The following ZNF475 variants were observed in gnomAD, a reference collection of about 807,000 sequenced individuals.
The protein encoded by ZNF475 is zinc finger protein 475.
the ZNF475 span, among the ~76,000 whole-genome samples, chr5:122,161,438 G>C: frequency 2.0e-5 from 3 of 152,200 alleles, no homozygotes; most frequent in East Asian, 5.8e-4. Flanking sequence ...GATAAGGAGA[G>C]AGCGGGGTCA....
the ZNF475 span, among the ~76,000 whole-genome samples, chr5:122,174,284 T>C: frequency 3.3e-5 from 5 of 152,204 alleles, no homozygotes; most frequent in Non-Finnish European, 5.9e-5. Flanking sequence ...AGGAAAACCT[T>C]GGCAGCTGGG....
the ZNF475 span, among the ~76,000 whole-genome samples, chr5:122,181,867 G>T: frequency 6.6e-6 from 1 of 152,032 alleles, no homozygotes; most frequent in African/African-American, 2.4e-5. Context: ...ATCTGTCTTT[G>T]TTATTTTCTT....
chr5:122,181,465 A>C, the ZNF475 span, among the ~76,000 whole-genome samples: 2 of 152,312 alleles, frequency 1.3e-5, no homozygotes, highest in South Asian at 2.1e-4. Context: ...AGACAGTGAC[A>C]TTTGCTTTAT....
At chr5:122,168,855 C>T in the ZNF475 span, among the ~76,000 whole-genome samples, 1 of 151,052 alleles carries the variant, frequency 6.6e-6, no homozygotes, top group South Asian at 2.1e-4. Flanking sequence ...AGCATAACAC[C>T]TTAACTTGAC....
chr5:122,169,410 T>C, the ZNF475 span, among the ~76,000 whole-genome samples: 2 of 152,104 alleles, frequency 1.3e-5, no homozygotes, highest in East Asian at 1.9e-4. Context: ...GAGTTAAGGA[T>C]TGGGATTCCC....
At chr5:122,182,613 CG>C in the ZNF475 span, 1 of 1,535,320 alleles carries the variant, frequency 6.5e-7, no homozygotes, top group Non-Finnish European at 8.7e-7. Flanking sequence ...TGTTCACCAA[CG>C]ATCTTGTAAA....
chr5:122,180,665 T>C, the ZNF475 span, among the ~76,000 whole-genome samples: 1 of 152,216 alleles, frequency 6.6e-6, no homozygotes, highest in Non-Finnish European at 1.5e-5. Context: ...CATTCTCCTA[T>C]GTAACCGTAG....
chr5:122,165,442 C>T, the ZNF475 span, among the ~76,000 whole-genome samples: 51 of 152,272 alleles, frequency 3.3e-4, no homozygotes, highest in Middle Eastern at 3.4e-3. Context: ...TAAGGATTGT[C>T]ATGTCTATCT....
chr5:122,171,702 T>C, the ZNF475 span, among the ~76,000 whole-genome samples: 1 of 152,106 alleles, frequency 6.6e-6, no homozygotes, highest in African/African-American at 2.4e-5. Context: ...CTCCTTCCCC[T>C]GCCAATTTTG....
chr5:122,177,516 G>T, the ZNF475 span, among the ~76,000 whole-genome samples: 1 of 152,068 alleles, frequency 6.6e-6, no homozygotes, highest in African/African-American at 2.4e-5. Context: ...AATTTATATA[G>T]TACCAATATG....
chr5:122,170,477 A>G, the ZNF475 span, among the ~76,000 whole-genome samples: 1 of 152,232 alleles, frequency 6.6e-6, no homozygotes, highest in Non-Finnish European at 1.5e-5. Context: ...TTACCAGTTT[A>G]CTACAAATGA....
At chr5:122,160,224 G>C in the ZNF475 span, 1 of 1,289,658 alleles carries the variant, frequency 7.8e-7, no homozygotes, top group African/African-American at 1.5e-5. Context: ...AGCATTCTAT[G>C]ATCCCATGGC....
At chr5:122,166,383 A>G in the ZNF475 span, among the ~76,000 whole-genome samples, 1 of 152,036 alleles carries the variant, frequency 6.6e-6, no homozygotes, top group Non-Finnish European at 1.5e-5. Flanking sequence ...TCTAGGGTAC[A>G]TTTGCACAAC....
the ZNF475 span, chr5:122,160,283 C>G: frequency 1.6e-6 from 2 of 1,289,682 alleles, no homozygotes; most frequent in Non-Finnish European, 1.0e-6. Flanking sequence ...CAGTTCTCTT[C>G]TACATTGTTG....
chr5:122,182,591 A>G, the ZNF475 span: 1 of 1,535,678 alleles, frequency 6.5e-7, no homozygotes, highest in East Asian at 2.4e-5. Context: ...CCTTCCTGCC[A>G]GACAGACTGA....
the ZNF475 span, among the ~76,000 whole-genome samples, chr5:122,180,257 G>A: frequency 1.7e-4 from 26 of 152,288 alleles, no homozygotes; most frequent in Admixed American, 3.9e-4. Context: ...ACTATGATGC[G>A]CTGTGGAGCA....
the ZNF475 span, chr5:122,182,419 T>C: frequency 7.9e-7 from 1 of 1,262,162 alleles, no homozygotes; most frequent in Non-Finnish European, 1.1e-6. Flanking sequence ...CCATTTTACC[T>C]TTTTCTTTCC....
chr5:122,178,145 T>C, the ZNF475 span, among the ~76,000 whole-genome samples: 19 of 152,308 alleles, frequency 1.2e-4, no homozygotes, highest in African/African-American at 4.6e-4. Context: ...AGTAAAGCAT[T>C]GGTGGGCATT....
chr5:122,161,443 G>GGGTC, the ZNF475 span, among the ~76,000 whole-genome samples: 1 of 151,950 alleles, frequency 6.6e-6, no homozygotes, highest in African/African-American at 2.4e-5. Context: ...GGAGAGAGCG[G>GGGTC]GGTCAACTCT....
Sources: gnomAD v4.1 joint callset for allele counts (sites outside exome capture counted in the v4.1 genomes callset) on GRCh38, gnomAD v4.1.1 for gene constraint, MANE v1.5 for transcripts, NCBI Gene and HGNC (gene_info 2026-07-23, HGNC 2026-07-21) for gene names.